Variants in AKAP19 observed in about 807,000 individuals in gnomAD.
The protein encoded by AKAP19 is A-kinase anchoring protein 19.
At chr2:190,191,510 T>C in the AKAP19 span, among the ~76,000 whole-genome samples, 4 of 152,156 alleles carry the variant, frequency 2.6e-5, no homozygotes, top group Non-Finnish European at 4.4e-5. Flanking sequence ...AGGAGTGGGA[T>C]TGCTGGGTCT....
chr2:190,141,262 A>G, the AKAP19 span, among the ~76,000 whole-genome samples: 24 of 152,046 alleles, frequency 1.6e-4, no homozygotes, highest in Non-Finnish European at 4.4e-5. Context: ...AACCCTCCAA[A>G]CTGTTCCAAC....
At chr2:190,047,283 T>C in the AKAP19 span, among the ~76,000 whole-genome samples, 2 of 152,186 alleles carry the variant, frequency 1.3e-5, no homozygotes, top group Non-Finnish European at 1.5e-5. Flanking sequence ...GGTTTTGGAA[T>C]GCCCTTCTTC....
chr2:190,085,563 C>G, the AKAP19 span, among the ~76,000 whole-genome samples: 1 of 152,212 alleles, frequency 6.6e-6, no homozygotes, highest in South Asian at 2.1e-4. Context: ...CTTTTAGCTA[C>G]TGATTATAAG....
the AKAP19 span, among the ~76,000 whole-genome samples, chr2:190,002,031 A>G: frequency 6.6e-6 from 1 of 152,210 alleles, no homozygotes; most frequent in Non-Finnish European, 1.5e-5. Flanking sequence ...TGGAGACAGC[A>G]GAGAATCGCT....
the AKAP19 span, among the ~76,000 whole-genome samples, chr2:190,152,830 A>G: frequency 6.6e-6 from 1 of 151,322 alleles, no homozygotes; most frequent in Non-Finnish European, 1.5e-5. Context: ...GGTTCTGAAC[A>G]TTTCTTAAAT....
the AKAP19 span, among the ~76,000 whole-genome samples, chr2:190,003,673 G>GT: frequency 6.6e-6 from 1 of 152,108 alleles, no homozygotes; most frequent in Non-Finnish European, 1.5e-5. Flanking sequence ...AGACCAGCCT[G>GT]TCCAACACGG....
chr2:189,986,880 T>C, the AKAP19 span, among the ~76,000 whole-genome samples: 17 of 152,234 alleles, frequency 1.1e-4, no homozygotes, highest in Admixed American at 1.0e-3. Flanking sequence ...GATGTTGCCT[T>C]CCAACCTAAA....
the AKAP19 span, among the ~76,000 whole-genome samples, chr2:190,111,651 A>G: frequency 6.6e-6 from 1 of 152,110 alleles, no homozygotes; most frequent in African/African-American, 2.4e-5. Flanking sequence ...CCTTAAAATT[A>G]GATAGATAGA....
the AKAP19 span, among the ~76,000 whole-genome samples, chr2:190,174,763 A>C: frequency 6.6e-6 from 1 of 152,226 alleles, no homozygotes. Context: ...TCTTATACTC[A>C]CATTTGTAAG....
At chr2:189,974,596 A>G in the AKAP19 span, among the ~76,000 whole-genome samples, 1 of 152,108 alleles carries the variant, frequency 6.6e-6, no homozygotes, top group Non-Finnish European at 1.5e-5. Flanking sequence ...GTCTCCCATT[A>G]TTATTGTGTG....
chr2:189,890,287 A>G, the AKAP19 span, among the ~76,000 whole-genome samples: 1 of 152,148 alleles, frequency 6.6e-6, no homozygotes, highest in Admixed American at 6.5e-5. Context: ...GGTCTGAGAG[A>G]CAGTTTGTTA....
chr2:189,932,175 A>T, the AKAP19 span, among the ~76,000 whole-genome samples: 1 of 152,104 alleles, frequency 6.6e-6, no homozygotes, highest in African/African-American at 2.4e-5. Flanking sequence ...TTTTATGACA[A>T]ATGGTCGTTA....
At chr2:190,068,337 CTTTG>C in the AKAP19 span, among the ~76,000 whole-genome samples, 3 of 151,984 alleles carry the variant, frequency 2.0e-5, no homozygotes, top group South Asian at 2.1e-4. Flanking sequence ...CAGTGTTTTT[CTTTG>C]TTTGTTGAGA....
chr2:190,118,336 A>G, the AKAP19 span, among the ~76,000 whole-genome samples: 1 of 152,240 alleles, frequency 6.6e-6, no homozygotes, highest in Non-Finnish European at 1.5e-5. Flanking sequence ...CAATCAATAG[A>G]AAAAGAGGGA....
chr2:190,164,979 G>A, the AKAP19 span, among the ~76,000 whole-genome samples: 1,097 of 152,206 alleles, frequency 7.2e-3, 5 homozygotes, highest in Middle Eastern at 0.02. Context: ...CACATCATAG[G>A]TATGTATTAG....
At chr2:190,193,015 C>T in the AKAP19 span, among the ~76,000 whole-genome samples, 1 of 152,030 alleles carries the variant, frequency 6.6e-6, no homozygotes, top group African/African-American at 2.4e-5. Context: ...CTTCCTCATA[C>T]TCAGTGGGAC....
At chr2:190,135,051 C>T in the AKAP19 span, among the ~76,000 whole-genome samples, 1 of 152,124 alleles carries the variant, frequency 6.6e-6, no homozygotes, top group East Asian at 1.9e-4. Flanking sequence ...TTTGTCACCA[C>T]TTTAATAATC....
the AKAP19 span, among the ~76,000 whole-genome samples, chr2:189,966,924 G>C: frequency 1.3e-5 from 2 of 152,136 alleles, no homozygotes; most frequent in Non-Finnish European, 2.9e-5. Flanking sequence ...TAATCCCTAA[G>C]TGAAATAGTA....
At chr2:190,089,549 A>G in the AKAP19 span, 1 of 152,132 alleles carries the variant, frequency 6.6e-6, no homozygotes, top group African/African-American at 2.4e-5. Flanking sequence ...CTACTCCTCC[A>G]TAGTTAACTT....
Sources: gnomAD v4.1 joint callset for allele counts (sites outside exome capture counted in the v4.1 genomes callset) on GRCh38, gnomAD v4.1.1 for gene constraint, MANE v1.5 for transcripts, NCBI Gene and HGNC (gene_info 2026-07-23, HGNC 2026-07-21) for gene names.